The following COCH variants were observed in gnomAD, a reference collection of about 807,000 sequenced individuals.
COCH encodes the protein cochlin, also known as coagulation factor C homolog, cochlin (Limulus polyphemus).
In COCH, 40 loss-of-function variants were observed where a neutral mutation model predicts 54.8. The ratio of observed to expected loss-of-function variants is 0.73; its 90% CI spans 0.57 to 0.95. The LOEUF (loss-of-function observed/expected upper bound fraction) is 0.95. Among genes scored for constraint, COCH ranks in the 40% least tolerant of loss-of-function variants. COCH has a pLI of 0.00. For missense variants in COCH, 605 were observed against 675.0 expected (o/e 0.90, Z 1.15); for synonymous variants, 256 against 237.9 (o/e 1.08, Z -0.70).
At chr14:30,887,746 A>C (rs1895840840) in intron 11 of COCH, among the ~76,000 whole-genome samples, 1 of 152,234 alleles carries the variant, frequency 6.6e-6, no homozygotes, top group Admixed American at 6.5e-5. Context: ...ATGTACTCAC[A>C]TATTTTTACA....
At chr14:30,881,986 T>A (rs994374917) in intron 8 of COCH, among the ~76,000 whole-genome samples, 3 of 150,390 alleles carry the variant, frequency 2.0e-5, no homozygotes, top group Non-Finnish European at 4.4e-5. Flanking sequence ...TAAAAATAAA[T>A]AAATAAATAA....
rs190142757 is a variant in COCH, at chr14:30,890,028, G to C, written c.*237G>C. On this transcript the variant is annotated 3_prime_UTR_variant, in exon 12 of 12. Coordinates refer to ENST00000396618, the MANE Select transcript of COCH (RefSeq NM_004086.3). ...CATAATCATGGCTCTTAGAAACTCA[G>C]GAAAGAGGAGATAATGTGGATTAAA... 560 of 1,227,552 alleles carry C rather than the reference G, an allele frequency of 4.6e-4. No individual in the cohort carries two copies. The highest frequency in any genetic ancestry group is 5.1e-4 in the Non-Finnish European group (503 of 978,776). The allele number at this position is 1,227,552 out of a possible 1,614,324, so 76.0% of individuals were successfully genotyped here. A position where few individuals can be genotyped will look rare whatever the true frequency, so the allele number is the denominator to read the frequency against.
rs752704972 is a variant in COCH, at chr14:30,875,084, C to G, written c.63C>G (p.Pro21=). 3 of 1,586,098 alleles carry G rather than the reference C, an allele frequency of 1.9e-6. No individual in the cohort carries two copies. Among genetic ancestry groups the G allele is most frequent in the Non-Finnish European group, 2.6e-6 (3 of 1,166,906 alleles). ...TGTGTCTGCTGCTGCTGCCGGGGCCCGCGGGCAGCGAGGGAGCCGGTGAGT... is the reference window on the plus strand; with the variant it reads ...TGTGTCTGCTGCTGCTGCCGGGGCCGGCGGGCAGCGAGGGAGCCGGTGAGT... ...LGVCLLLLPG[P]AGSEGAAPIA... The change falls in exon 3 of 12, where the codon CCC becomes CCG. Residue 21 remains proline (P), a synonymous_variant. Transcript: ENST00000396618.
Position 30,877,349 on chromosome 14 carries a change from T to G in COCH, c.83-223T>G. The G allele has an allele frequency of 1.8e-6, 1 of 550,322 alleles. No homozygotes were observed. The highest frequency in any genetic ancestry group is 3.2e-6 in the Non-Finnish European group (1 of 317,400). 34.1% of individuals were successfully genotyped at this position (550,322 alleles called of 1,614,324 possible). ...AAAAACGAAATAAAAACCCAGAACT[T>G]TCACATTAGAGTTTTATAGTGGCTG... On this transcript the variant is annotated intron_variant, in intron 3 of 11. Coordinates refer to ENST00000396618, the MANE Select transcript of COCH (RefSeq NM_004086.3). The surrounding 1 kb of genome is among the most constrained non-coding windows in gnomAD (Gnocchi z 8.6).
chr14:30,889,599 A>C lies in COCH; in HGVS notation c.1478-17A>C, dbSNP rs755867748. On this transcript the variant is annotated splice_polypyrimidine_tract_variant and intron_variant, in intron 11 of 11. Coordinates refer to ENST00000396618, the MANE Select transcript of COCH (RefSeq NM_004086.3). ...TAGACCTGATTTTCAATTCACTTTA[A>C]AATGTTTTCATTGTAGGAATCACTA... is the stretch of plus-strand genomic sequence containing the variant. 6.2e-7 allele frequency: 1 copy of C among 1,611,614 alleles called. No individual in the cohort carries two copies. Among genetic ancestry groups the C allele is most frequent in the African/African-American group, 1.3e-5 (1 of 74,884 alleles).
intron 5 of COCH, 123 bp downstream of exon 5, chr14:30,879,067 A>G: frequency 7.1e-7 from 1 of 1,405,010 alleles, no homozygotes. Context: ...AAGCTGACCT[A>G]TAGAGGTAAA....
chr14:30,890,427 T>C lies in COCH; in HGVS notation c.*636T>C. On this transcript the variant is annotated 3_prime_UTR_variant, in exon 12 of 12. Transcript: ENST00000396618. The stretch of plus-strand genomic sequence containing the variant: ...GGATTGCCAGGTATTTTTCTATTTC[T>C]CTCCTTAATTTTATATGTATATAGA... 1.0e-6 allele frequency: 1 copy of C among 972,596 alleles called. No individual in the cohort carries two copies. Among genetic ancestry groups the C allele is most frequent in the South Asian group, 4.8e-5 (1 of 21,022 alleles). The allele number at this position is 972,596 out of a possible 1,614,324, so 60.2% of individuals were successfully genotyped here. A position where few individuals can be genotyped will look rare whatever the true frequency, so the allele number is the denominator to read the frequency against.
chr14:30,892,125 C>G (rs1411764344), downstream of COCH, among the ~76,000 whole-genome samples: 1 of 152,084 alleles, frequency 6.6e-6, no homozygotes, highest in Non-Finnish European at 1.5e-5. Context: ...TGAAATTAAT[C>G]TAATTTCCCA....
chr14:30,890,895 C>T (rs893265961), downstream of COCH, among the ~76,000 whole-genome samples: 3 of 151,714 alleles, frequency 2.0e-5, no homozygotes, highest in African/African-American at 7.3e-5. Context: ...AAAAATTAGC[C>T]GGGTGGGATG....
chr14:30,889,646 G>C lies in COCH; in HGVS notation c.1508G>C (p.Trp503Ser). The C allele has an allele frequency of 6.2e-7, 1 of 1,611,474 alleles. No individual in the cohort carries two copies. The highest frequency in any genetic ancestry group is 8.5e-7 in the Non-Finnish European group (1 of 1,179,374). Residue 503 changes from tryptophan (W) to serine (S), a missense_variant, in exon 12 of 12, where the codon TGG becomes TCG. Trp to Ser is a radical substitution (Grantham distance 177). Transcript: ENST00000396618. ...ACTATCTTCTCTGTTGGTGTGGCTT[G>C]GGCACCTCTGGATGACCTGAAAGAT... ...GITIFSVGVA[W>S]APLDDLKDMA... is the part of the protein sequence containing the mutation.
At chr14:30,886,898 T>G (rs759651891) in intron 11 of COCH, among the ~76,000 whole-genome samples, 2 of 152,124 alleles carry the variant, frequency 1.3e-5, no homozygotes, top group South Asian at 4.1e-4. Flanking sequence ...TTAAATTTTT[T>G]TGGGGAGAGA....
chr14:30,887,165 G>GT (rs1895817829), intron 11 of COCH, among the ~76,000 whole-genome samples: 1 of 152,070 alleles, frequency 6.6e-6, no homozygotes, highest in South Asian at 2.1e-4. Context: ...GGCTGAGGTG[G>GT]GCGGGATCAC....
chr14:30,878,181 A>T (rs747721852), intron 4 of COCH, among the ~76,000 whole-genome samples: 42 of 152,206 alleles, frequency 2.8e-4, no homozygotes, highest in Non-Finnish European at 5.3e-4. Context: ...TAATACTTCT[A>T]AAAAAATTCA....
intron 3 of COCH, 47 bp downstream of exon 3, chr14:30,875,150 C>A: frequency 6.5e-7 from 1 of 1,543,810 alleles, no homozygotes; most frequent in African/African-American, 1.4e-5. Flanking sequence ...AGGGGCTGAG[C>A]ACCAGCGGGT....
intron 8 of COCH, 33 bp from the exon 9 acceptor site, chr14:30,884,520 C>T (rs1342877455): frequency 7.0e-7 from 1 of 1,436,630 alleles, no homozygotes; most frequent in Non-Finnish European, 9.8e-7. Flanking sequence ...CTTTTTAATT[C>T]TCCCTGAATA....
At chr14:30,876,050 A>G (rs946155389) in intron 3 of COCH, 11 of 152,240 alleles carry the variant, frequency 7.2e-5, no homozygotes, top group Non-Finnish European at 8.8e-5. Context: ...CACAAAGGGC[A>G]CAGAGGAGGG....
At chr14:30,880,139 T>C (rs1449706797) in intron 6 of COCH, among the ~76,000 whole-genome samples, 2 of 152,198 alleles carry the variant, frequency 1.3e-5, no homozygotes, top group African/African-American at 4.8e-5. Context: ...GGATCCCCTT[T>C]TGTATGACGA....
rs375794181 is a variant in COCH at position 30,885,363 on chromosome 14, G to T, written c.734-31G>T. ...GAAATGTGGTTTGAGCAGTGGTAAA[G>T]GCTATTTGTTTGCTTCTTTTTCAAA... On this transcript the variant is annotated intron_variant, in intron 9 of 11. Coordinates refer to ENST00000396618, the MANE Select transcript of COCH (RefSeq NM_004086.3). The T allele has an allele frequency of 4.0e-5, 61 of 1,536,940 alleles. No individual in the cohort carries two copies. The Middle Eastern group carries it at 5.1e-4, about 13-fold the overall frequency.
chr14:30,881,763 C>A (rs1489019813), intron 8 of COCH, among the ~76,000 whole-genome samples: 1 of 151,536 alleles, frequency 6.6e-6, no homozygotes, highest in Non-Finnish European at 1.5e-5. Flanking sequence ...TTGAGACCAT[C>A]CTGGCTAACA....
Sources: gnomAD v4.1 joint callset for allele counts (sites outside exome capture counted in the v4.1 genomes callset) on GRCh38, gnomAD v4.1.1 for gene constraint, Gnocchi (gnomAD v3.1) non-coding constraint, MANE v1.5 for transcripts, NCBI Gene and HGNC (gene_info 2026-07-23, HGNC 2026-07-21) for gene names.